AKAP7: variants seen among roughly 807,000 people sequenced by gnomAD.
The protein encoded by AKAP7 is A-kinase anchoring protein 7, also known as A kinase (PRKA) anchor protein 7.
Under a neutral mutation model 39.5 loss-of-function variants are expected in AKAP7, and 39 were observed. The observed-to-expected ratio is 0.99, with a 90% CI of 0.76 to 1.29. The LOEUF is 1.29. Ranked by LOEUF, AKAP7 falls within the 50% of genes most tolerant of loss-of-function variation. AKAP7 has a pLI of 0.00. For synonymous variants in AKAP7, 140 were observed against 139.1 expected (o/e 1.01, Z -0.05); for missense variants, 414 against 407.7 (o/e 1.02, Z -0.13).
intron 7 of AKAP7, among the ~76,000 whole-genome samples, chr6:131,269,545 A>G (rs1369587073): frequency 6.6e-6 from 1 of 152,210 alleles, no homozygotes; most frequent in Non-Finnish European, 1.5e-5. Flanking sequence ...ATGATATGGA[A>G]TAGCAAATGG....
chr6:131,159,416 T>A (rs1048440472), intron 2 of AKAP7, among the ~76,000 whole-genome samples: 14 of 152,052 alleles, frequency 9.2e-5, no homozygotes, highest in Non-Finnish European at 1.5e-4. Context: ...TAAAAAAAAA[T>A]TTCCTGTTTG....
chr6:131,157,242 A>G (rs932069140), intron 2 of AKAP7, among the ~76,000 whole-genome samples: 1 of 152,210 alleles, frequency 6.6e-6, no homozygotes, highest in Admixed American at 6.5e-5. Flanking sequence ...AAAAGATCCT[A>G]TGAAGTAGCT....
At chr6:131,169,383 C>A in intron 5 of AKAP7, 110 bp downstream of exon 5, 1 of 1,227,228 alleles carries the variant, frequency 8.1e-7, no homozygotes, top group Non-Finnish European at 1.2e-6. Flanking sequence ...ATGGACTAGA[C>A]TCAAGTATTT....
Position 131,241,611 on chromosome 6 carries a change from GTGTGTGTGTGTGTGTGTA to G in AKAP7, c.850+21805_850+21822del, listed in dbSNP as rs1176936205. On this transcript the variant is annotated intron_variant, in intron 7 of 7. Transcript: ENST00000431975. The stretch of plus-strand genomic sequence containing the variant: ...TGTGTGTGTGTGTGTGTGTGTGTGT[GTGTGTGTGTGTGTGTGTA>G]TATATATATGACAGTTATAGGATTC... 6.0e-3 allele frequency among the ~76,000 whole-genome samples: 602 copies of G among 99,724 alleles called. 17 individuals carry two copies. The highest frequency in any genetic ancestry group is 0.02 in the African/African-American group (569 of 28,354). 65.4% of individuals were successfully genotyped at this position (99,724 alleles called of 152,430 possible). A position where few individuals can be genotyped will look rare whatever the true frequency, so the allele number is the denominator to read the frequency against.
chr6:131,236,812 C>T (rs1032209517), intron 7 of AKAP7, among the ~76,000 whole-genome samples: 28 of 152,128 alleles, frequency 1.8e-4, no homozygotes, highest in African/African-American at 3.1e-4. Flanking sequence ...TGGGCTGAGA[C>T]GATGGCGTTT....
rs574547050 is a variant in AKAP7 at position 131,194,705 on chromosome 6, A to G, written c.590-4756A>G. ...AGCTCTAAAAATATTTCCTTTGTATATCTGGGTACTCCAATGTTGGGTGTA... is the reference window on the plus strand; with the variant it reads ...AGCTCTAAAAATATTTCCTTTGTATGTCTGGGTACTCCAATGTTGGGTGTA... On this transcript the variant is annotated intron_variant, in intron 5 of 7. Transcript: ENST00000431975. Among the ~76,000 whole-genome samples the G allele has an allele frequency of 1.1e-4, 16 of 152,226 alleles. No individual in the cohort carries two copies. In the East Asian group the frequency reaches 2.7e-3, roughly 26 times the overall value.
rs1485830660 is a variant in AKAP7 at position 131,281,868 on chromosome 6, G to T, written c.*142G>T. 2 of 1,280,696 alleles carry T rather than the reference G, an allele frequency of 1.6e-6. No individual in the cohort carries two copies. Among genetic ancestry groups the T allele is most frequent in the Admixed American group, 3.9e-5 (1 of 25,520 alleles). The allele number at this position is 1,280,696 out of a possible 1,614,324, so 79.3% of individuals were successfully genotyped here. A position where few individuals can be genotyped will look rare whatever the true frequency, so the allele number is the denominator to read the frequency against. On this transcript the variant is annotated 3_prime_UTR_variant, in exon 8 of 8. Transcript: ENST00000431975. The surrounding 1 kb of genome is among the most constrained non-coding windows in gnomAD (Gnocchi z 4.0). ...AGATTGCCTAATACTTTTCATGATC[G>T]ATGTGTTCGCATTGCTGAAACACAA...
chr6:131,245,755 T>C (rs1006676373), intron 7 of AKAP7, among the ~76,000 whole-genome samples: 1 of 152,176 alleles, frequency 6.6e-6, no homozygotes, highest in African/African-American at 2.4e-5. Flanking sequence ...TTGTCTCTTT[T>C]ATAGTTAAAG....
At chr6:131,207,424 A>T (rs894459062) in intron 6 of AKAP7, among the ~76,000 whole-genome samples, 1 of 147,712 alleles carries the variant, frequency 6.8e-6, no homozygotes, top group African/African-American at 2.5e-5. Context: ...GGCTCAAATG[A>T]TCCTCCTGCC....
At chr6:131,207,546 G>A (rs1223662326) in intron 6 of AKAP7, among the ~76,000 whole-genome samples, 1 of 136,658 alleles carries the variant, frequency 7.3e-6, no homozygotes, top group Admixed American at 8.0e-5. Context: ...TGTTGCCCAG[G>A]CTGGTCTTGA....
the AKAP7 span, among the ~76,000 whole-genome samples, chr6:131,127,204 A>G: frequency 6.6e-6 from 1 of 151,770 alleles, no homozygotes; most frequent in Non-Finnish European, 1.5e-5. Context: ...TGCTACCATG[A>G]CCGGTTAATT....
At chr6:131,273,627 T>G (rs1285618605) in intron 7 of AKAP7, among the ~76,000 whole-genome samples, 1 of 152,220 alleles carries the variant, frequency 6.6e-6, no homozygotes, top group East Asian at 1.9e-4. Context: ...GTGCTATTGT[T>G]GCCATAACTT....
rs540653923 is a variant in AKAP7, at chr6:131,139,427, GT to G, written c.19+3646del. On this transcript the variant is annotated intron_variant, in intron 1 of 7. Coordinates refer to ENST00000431975, the MANE Select transcript of AKAP7 (RefSeq NM_016377.4). ...AGTTTAATATGCTTTATTTAGCAAG[GT>G]AAAGAATGATGTTGAACAAGTTATA... Among the ~76,000 whole-genome samples the G allele has an allele frequency of 3.8e-3, 580 of 152,260 alleles. 5 individuals carry two copies. Among genetic ancestry groups the G allele is most frequent in the African/African-American group, 0.013 (546 of 41,534 alleles).
rs987317934 is a variant in AKAP7, at chr6:131,281,393, G to A, written c.851-137G>A. On this transcript the variant is annotated intron_variant, in intron 7 of 7. Coordinates refer to ENST00000431975, the MANE Select transcript of AKAP7 (RefSeq NM_016377.4). This position sits in a 1 kb window ranked among gnomAD's most constrained non-coding sequence, Gnocchi z 4.0. ...TGCTTCTGCAAATACCAAATGAAAA[G>A]CCAACCCACTGTTCTTGAATTTATA... The A allele has an allele frequency of 3.6e-5, 23 of 636,646 alleles. No homozygotes were observed. The highest frequency in any genetic ancestry group is 5.7e-5 in the Non-Finnish European group (23 of 404,950). 39.4% of individuals were successfully genotyped at this position (636,646 alleles called of 1,614,324 possible).
rs965090899 is a variant in AKAP7 at position 131,135,852 on chromosome 6, G to T, written c.19+70G>T. On this transcript the variant is annotated intron_variant, in intron 1 of 7. Transcript: ENST00000431975. ...CCGCGGGGGCCTGGGCCTGCTCTGC[G>T]CTCGAACTTTGGGAGGGCCTGACCC... The T allele has an allele frequency of 2.5e-6, 3 of 1,221,908 alleles. No individual in the cohort carries two copies. In the East Asian group the frequency reaches 9.6e-5, roughly 39 times the overall value. 75.7% of individuals were successfully genotyped at this position (1,221,908 alleles called of 1,614,324 possible).
intron 7 of AKAP7, among the ~76,000 whole-genome samples, chr6:131,276,636 GAAGCT>G (rs1814768373): frequency 6.6e-6 from 1 of 152,148 alleles, no homozygotes; most frequent in Non-Finnish European, 1.5e-5. Flanking sequence ...GGATGCTTAG[GAAGCT>G]TTTGTTCAGA....
chr6:131,194,535 A>G (rs143655788), intron 5 of AKAP7, among the ~76,000 whole-genome samples: 4,118 of 152,214 alleles, frequency 0.027, 168 homozygotes, highest in African/African-American at 0.094. Flanking sequence ...GTAAATATCT[A>G]TTAGGTCCAT....
Position 131,241,474 on chromosome 6 carries a change from T to C in AKAP7, c.850+21666T>C, listed in dbSNP as rs199701490. ...ACAGGATAAAAGAGAAAACAGATTT[T>C]GGTGACAAGAAGATGATGAGTTCAG... On this transcript the variant is annotated intron_variant, in intron 7 of 7. Coordinates refer to ENST00000431975, the MANE Select transcript of AKAP7 (RefSeq NM_016377.4). Among the ~76,000 whole-genome samples the C allele has an allele frequency of 4.1e-4, 63 of 151,928 alleles. No individual in the cohort carries two copies. In the East Asian group the frequency reaches 8.3e-3, roughly 20 times the overall value.
chr6:131,235,474 G>T (rs1045034412), intron 7 of AKAP7, among the ~76,000 whole-genome samples: 2 of 152,170 alleles, frequency 1.3e-5, no homozygotes, highest in Admixed American at 1.3e-4. Context: ...GATCCCTGAG[G>T]AATGGCCACA....
Sources: allele counts gnomAD v4.1 joint callset (sites outside exome capture counted in the v4.1 genomes callset), GRCh38; gene constraint gnomAD v4.1.1; non-coding constraint Gnocchi (gnomAD v3.1); transcripts MANE v1.5; gene names NCBI Gene and HGNC (gene_info 2026-07-23, HGNC 2026-07-21).